KAT6A: variants seen among roughly 807,000 people sequenced by gnomAD.
The protein encoded by KAT6A is lysine acetyltransferase 6A, also known as histone acetyltransferase KAT6A.
A neutral mutation model predicts 198.4 loss-of-function variants in KAT6A; 9 were observed. That is an observed-to-expected ratio of 0.05 (90% CI 0.03 to 0.08). The LOEUF is 0.08. Ranked by LOEUF, KAT6A falls within the 10% of genes least tolerant of loss-of-function variation. The pLI is 1.00. For synonymous variants in KAT6A, 890 were observed against 883.0 expected (o/e 1.01, Z -0.14); for missense variants, 2,077 against 2,509.9 (o/e 0.83, Z 3.69).
intron 3 of KAT6A, among the ~76,000 whole-genome samples, chr8:41,983,906 A>C (rs890379758): frequency 1.3e-5 from 2 of 152,174 alleles, no homozygotes; most frequent in Admixed American, 1.3e-4. Flanking sequence ...CTCAACTATT[A>C]GTTTTCTTTC....
chr8:41,974,020 T>G (rs1468982999), intron 8 of KAT6A, among the ~76,000 whole-genome samples: 1 of 152,186 alleles, frequency 6.6e-6, no homozygotes, highest in Admixed American at 6.5e-5. Flanking sequence ...ATCTCCAGCA[T>G]GTGGCACATA....
chr8:41,967,789 G>A (rs1230822067), intron 8 of KAT6A, among the ~76,000 whole-genome samples: 1 of 152,114 alleles, frequency 6.6e-6, no homozygotes, highest in African/African-American at 2.4e-5. Flanking sequence ...TAGATCAATG[G>A]AACAGAACAG....
intron 3 of KAT6A, among the ~76,000 whole-genome samples, chr8:41,984,381 T>C (rs968952421): frequency 2.6e-5 from 4 of 152,136 alleles, no homozygotes; most frequent in Non-Finnish European, 5.9e-5. Flanking sequence ...TGTGAAGATG[T>C]CCACATGGCA....
At chr8:41,989,550 C>CGTGACGTGAT (rs1290106228) in intron 2 of KAT6A, among the ~76,000 whole-genome samples, 34 of 152,030 alleles carry the variant, frequency 2.2e-4, no homozygotes, top group African/African-American at 7.2e-4. Context: ...CGTGACGTGA[C>CGTGACGTGAT]GTGACGTGAC....
intron 12 of KAT6A, among the ~76,000 whole-genome samples, chr8:41,945,495 C>T (rs888091587): frequency 6.6e-6 from 1 of 152,066 alleles, no homozygotes; most frequent in Non-Finnish European, 1.5e-5. Flanking sequence ...TGGTCTCAAA[C>T]TCCCGACCTC....
intron 2 of KAT6A, among the ~76,000 whole-genome samples, chr8:42,028,643 T>G (rs2150920387): frequency 6.6e-6 from 1 of 152,326 alleles, no homozygotes; most frequent in East Asian, 1.9e-4. Context: ...GTAAGTTTCT[T>G]GTAGGCAGTA....
In KAT6A at chr8:41,941,010, A is replaced by G; in HGVS notation, c.2871T>C (p.Ala957=). 1.9e-6 allele frequency: 3 copies of G among 1,614,130 alleles called. No homozygotes were observed. Among genetic ancestry groups the G allele is most frequent in the Non-Finnish European group, 2.5e-6 (3 of 1,180,036 alleles). Residue 957 remains alanine, a synonymous_variant, in exon 15 of 17, where the codon GCT becomes GCC. Transcript: ENST00000265713. ...WRGQLKKSPE[A]LKCRLTEGSE... ...TTCCTTCTGTTAATCTGCACTTCAGAGCCTCAGGGCTTTTCTTGAGCTGTC... is the reference window on the plus strand; with the variant it reads ...TTCCTTCTGTTAATCTGCACTTCAGGGCCTCAGGGCTTTTCTTGAGCTGTC...
chr8:41,937,610 A>C (rs752436044), intron 15 of KAT6A, 42 bp from the exon 16 acceptor site: 5 of 1,431,314 alleles, frequency 3.5e-6, no homozygotes, highest in Non-Finnish European at 4.8e-6. Flanking sequence ...TATGAACACT[A>C]TCTTTTCTAT....
At chr8:42,005,856 A>G (rs563473679) in intron 2 of KAT6A, among the ~76,000 whole-genome samples, 1 of 152,050 alleles carries the variant, frequency 6.6e-6, no homozygotes, top group Non-Finnish European at 1.5e-5. Flanking sequence ...AGAAAAGGGA[A>G]CTGCCTTTGA....
At position 41,932,252 on chromosome 8, in the gene KAT6A, C is replaced by T. The variant is rs1159509176; in HGVS notation, c.5968G>A (p.Ala1990Thr). 6.2e-7 allele frequency: 1 copy of T among 1,613,328 alleles called. No individual in the cohort carries two copies. Among genetic ancestry groups the T allele is most frequent in the Non-Finnish European group, 8.5e-7 (1 of 1,179,610 alleles). ...GPSHHSYMNA[A>T]GVPKQSLNGP... is the part of the protein sequence containing the mutation. ...TTGAGTGACTGCTTGGGCACGCCAG[C>T]AGCGTTCATGTAGCTGTGATGGGAG... The change falls in exon 17 of 17, where the codon GCT (alanine) becomes ACT (threonine). Residue 1990 changes from alanine to threonine, a missense_variant. Physicochemically the swap from Ala to Thr is moderately conservative, Grantham distance 58. Around this residue, in one of 13 missense-constraint regions of KAT6A, gnomAD observed 500 missense variants for 577.2 expected, o/e 0.87. Coordinates refer to ENST00000265713, the MANE Select transcript of KAT6A (RefSeq NM_006766.5).
chr8:42,003,127 A>G (rs528982161), intron 2 of KAT6A, among the ~76,000 whole-genome samples: 1 of 152,292 alleles, frequency 6.6e-6, no homozygotes, highest in East Asian at 1.9e-4. Context: ...GGAAGACTAG[A>G]ACGTAAAGGT....
At chr8:42,020,229 T>G (rs905534934) in intron 2 of KAT6A, among the ~76,000 whole-genome samples, 1 of 152,186 alleles carries the variant, frequency 6.6e-6, no homozygotes, top group African/African-American at 2.4e-5. Flanking sequence ...GTTCGCAGAC[T>G]TGAGTAATCA....
intron 8 of KAT6A, among the ~76,000 whole-genome samples, chr8:41,956,071 C>A (rs987556284): frequency 2.0e-5 from 3 of 152,158 alleles, no homozygotes; most frequent in African/African-American, 4.8e-5. Context: ...AATCTCTATA[C>A]CCCTCATCCC....
At chr8:41,961,841 C>A (rs571835665) in intron 8 of KAT6A, among the ~76,000 whole-genome samples, 47 of 151,612 alleles carry the variant, frequency 3.1e-4, no homozygotes, top group African/African-American at 1.1e-3. Flanking sequence ...CTGTAAAAAA[C>A]CTCAAAACAA....
At chr8:41,968,293 C>T (rs1240987991) in intron 8 of KAT6A, among the ~76,000 whole-genome samples, 1 of 152,248 alleles carries the variant, frequency 6.6e-6, no homozygotes. Flanking sequence ...AAACAAACAA[C>T]CCCATGAAAA....
At chr8:41,949,891 G>A (rs1012834973) in intron 9 of KAT6A, among the ~76,000 whole-genome samples, 1 of 152,152 alleles carries the variant, frequency 6.6e-6, no homozygotes, top group Admixed American at 6.5e-5. Context: ...GACTCACAAT[G>A]TGCATTAATT....
chr8:41,959,866 G>C (rs1266999739), intron 8 of KAT6A, among the ~76,000 whole-genome samples: 1 of 151,776 alleles, frequency 6.6e-6, no homozygotes, highest in Non-Finnish European at 1.5e-5. Context: ...TGAGGCAGAA[G>C]AAACACTTGA....
chr8:41,929,513 T>C lies in KAT6A; in HGVS notation c.*2692A>G, dbSNP rs1821416899. On this transcript the variant is annotated 3_prime_UTR_variant, in exon 17 of 17. Coordinates refer to ENST00000265713, the MANE Select transcript of KAT6A (RefSeq NM_006766.5). ...GCTCAACATAATTTATTTTTTATGTTAAAATGTACAGAGTTCTTTTGAAAG... is the reference window on the plus strand; with the variant it reads ...GCTCAACATAATTTATTTTTTATGTCAAAATGTACAGAGTTCTTTTGAAAG... The C allele has an allele frequency of 5.5e-6, 1 of 182,174 alleles. No individual in the cohort carries two copies. The highest frequency in any genetic ancestry group is 1.2e-5 in the Non-Finnish European group (1 of 85,562). The allele number at this position is 182,174 out of a possible 1,614,324, so 11.3% of individuals were successfully genotyped here. A position where few individuals can be genotyped will look rare whatever the true frequency, so the allele number is the denominator to read the frequency against.
At chr8:41,970,893 T>TA (rs1462081100) in intron 8 of KAT6A, among the ~76,000 whole-genome samples, 1 of 152,116 alleles carries the variant, frequency 6.6e-6, no homozygotes, top group East Asian at 1.9e-4. Flanking sequence ...TATGCAGCCA[T>TA]AAAAAAGGAT....
Sources: gnomAD v4.1 joint callset for allele counts (sites outside exome capture counted in the v4.1 genomes callset) on GRCh38, gnomAD v4.1.1 for gene constraint, gnomAD v4.1.1 regional missense constraint, MANE v1.5 for transcripts, NCBI Gene and HGNC (gene_info 2026-07-23, HGNC 2026-07-21) for gene names.